The following TRDN variants were observed in gnomAD, a reference collection of about 807,000 sequenced individuals.
TRDN encodes triadin in skeletal muscle.
A neutral mutation model predicts 149.7 loss-of-function variants in TRDN; 161 were observed. The ratio of observed to expected loss-of-function variants is 1.08; its 90% CI spans 0.95 to 1.23. The LOEUF (loss-of-function observed/expected upper bound fraction) is 1.23. Among genes scored for constraint, TRDN ranks in the 50% most tolerant of loss-of-function variants. The pLI is 0.00. For missense variants in TRDN, 896 were observed against 823.5 expected, an observed-to-expected ratio of 1.09 and a Z score of -1.08; for synonymous variants, 294 against 250.5, an observed-to-expected ratio of 1.17 and a Z score of -1.64.
chr6:123,628,957 C>T (rs1785820517), intron 1 of TRDN, among the ~76,000 whole-genome samples: 1 of 152,076 alleles, frequency 6.6e-6, no homozygotes, highest in Admixed American at 6.6e-5. Flanking sequence ...TTTCTAAATG[C>T]AATGCCTAAT....
intron 2 of TRDN, among the ~76,000 whole-genome samples, chr6:123,551,733 G>C (rs1298250408): frequency 6.6e-6 from 1 of 151,692 alleles, no homozygotes; most frequent in Non-Finnish European, 1.5e-5. Context: ...ATTTAAATAA[G>C]ATGCCTCAGG....
chr6:123,625,351 AT>A lies in TRDN; in HGVS notation c.22+11402del, dbSNP rs993875186. Among the ~76,000 whole-genome samples the A allele has an allele frequency of 5.2e-3, 791 of 151,198 alleles. 13 individuals are homozygous for A. The highest frequency in any genetic ancestry group is 0.018 in the African/African-American group (741 of 41,282). ...ATAATTGCAAGAAAGCAAATCACAC[AT>A]TTTTTTTTCTGTATCCTAGTGTATA... On this transcript the variant is annotated intron_variant, in intron 1 of 40. Coordinates refer to ENST00000334268, the MANE Select transcript of TRDN (RefSeq NM_006073.4).
At chr6:123,590,830 C>T (rs1783742687) in intron 1 of TRDN, among the ~76,000 whole-genome samples, 1 of 152,112 alleles carries the variant, frequency 6.6e-6, no homozygotes, top group Non-Finnish European at 1.5e-5. Context: ...GTGCTTAACT[C>T]ATCCTGAAAC....
intron 12 of TRDN, among the ~76,000 whole-genome samples, chr6:123,395,743 G>A (rs1275496561): frequency 6.6e-6 from 1 of 152,082 alleles, no homozygotes; most frequent in African/African-American, 2.4e-5. Flanking sequence ...TTTCAATGGA[G>A]GAAAATCTCG....
chr6:123,335,429 A>G (rs1369861400), intron 22 of TRDN, among the ~76,000 whole-genome samples: 1 of 151,856 alleles, frequency 6.6e-6, no homozygotes, highest in Admixed American at 6.6e-5. Context: ...AACATTTTCA[A>G]TCACTGGAAA....
chr6:123,281,786 T>A (rs553321622), intron 24 of TRDN, among the ~76,000 whole-genome samples: 1 of 152,146 alleles, frequency 6.6e-6, no homozygotes, highest in East Asian at 1.9e-4. Flanking sequence ...AAAATTTGGT[T>A]TCCGAGTTAG....
intron 4 of TRDN, among the ~76,000 whole-genome samples, chr6:123,545,413 A>G (rs1781062576): frequency 6.6e-6 from 1 of 151,916 alleles, no homozygotes; most frequent in Non-Finnish European, 1.5e-5. Context: ...TTGCCTCTAT[A>G]CTTCCATGAA....
At chr6:123,235,854 T>C (rs1290885518) in intron 38 of TRDN, among the ~76,000 whole-genome samples, 1 of 152,188 alleles carries the variant, frequency 6.6e-6, no homozygotes, top group African/African-American at 2.4e-5. Context: ...TGAATTCATA[T>C]AACTGCTGCA....
At chr6:123,534,371 C>T (rs961921216) in intron 4 of TRDN, among the ~76,000 whole-genome samples, 1 of 152,130 alleles carries the variant, frequency 6.6e-6, no homozygotes, top group Non-Finnish European at 1.5e-5. Flanking sequence ...TGTTTTATTG[C>T]AACTTTGCGT....
Position 123,403,551 on chromosome 6 carries a change from A to G in TRDN, c.1052-9874T>C, listed in dbSNP as rs557452440. Among the ~76,000 whole-genome samples the G allele has an allele frequency of 4.6e-5, 7 of 152,322 alleles. No individual in the cohort carries two copies. In the South Asian group the frequency reaches 8.3e-4, roughly 18 times the overall value. On this transcript the variant is annotated intron_variant, in intron 12 of 40. Coordinates refer to ENST00000334268, the MANE Select transcript of TRDN (RefSeq NM_006073.4). ...TGGGAAATGGGAAGACAATTAGGGT[A>G]GCAAGATCCCAGAATGTGTGGGAAG... is the stretch of plus-strand genomic sequence containing the variant.
chr6:123,384,510 C>G (rs1455046073), intron 14 of TRDN, among the ~76,000 whole-genome samples: 14 of 152,018 alleles, frequency 9.2e-5, no homozygotes, highest in Admixed American at 9.2e-4. Context: ...CATATTAGAA[C>G]AAGATTATTT....
intron 14 of TRDN, among the ~76,000 whole-genome samples, chr6:123,384,548 C>A (rs1199490381): frequency 6.6e-6 from 1 of 152,058 alleles, no homozygotes; most frequent in Non-Finnish European, 1.5e-5. Context: ...TGACCAGATA[C>A]TGGAATGGAA....
chr6:123,577,471 C>T (rs1782914846), intron 1 of TRDN, among the ~76,000 whole-genome samples: 1 of 152,124 alleles, frequency 6.6e-6, no homozygotes, highest in Non-Finnish European at 1.5e-5. Context: ...CCACAAAAGA[C>T]ATGATCTTGT....
chr6:123,225,893 A>G (rs1444019731), intron 38 of TRDN, among the ~76,000 whole-genome samples: 1 of 151,760 alleles, frequency 6.6e-6, no homozygotes, highest in African/African-American at 2.4e-5. Context: ...TTAATTTTTA[A>G]CATTTGAAAT....
At chr6:123,236,859 A>G (rs1242737933) in intron 38 of TRDN, among the ~76,000 whole-genome samples, 4 of 150,210 alleles carry the variant, frequency 2.7e-5, no homozygotes, top group Non-Finnish European at 4.4e-5. Context: ...AACATTTAAA[A>G]TTAGGTAATA....
chr6:123,472,849 G>T (rs1392363420), intron 9 of TRDN, among the ~76,000 whole-genome samples: 1 of 152,134 alleles, frequency 6.6e-6, no homozygotes, highest in East Asian at 1.9e-4. Context: ...CACCTCACAC[G>T]GCAGGGTATT....
chr6:123,598,103 A>C (rs1258257309), intron 1 of TRDN, among the ~76,000 whole-genome samples: 1 of 152,092 alleles, frequency 6.6e-6, no homozygotes, highest in Non-Finnish European at 1.5e-5. Context: ...TGCTGGAAGA[A>C]GAGTTTGCTG....
intron 9 of TRDN, among the ~76,000 whole-genome samples, chr6:123,478,994 A>G (rs1255166682): frequency 6.6e-6 from 1 of 152,196 alleles, no homozygotes; most frequent in Non-Finnish European, 1.5e-5. Context: ...TATGGACCAT[A>G]TTAGGCAATA....
At chr6:123,331,430 A>G (rs545378761) in intron 23 of TRDN, among the ~76,000 whole-genome samples, 71 of 152,098 alleles carry the variant, frequency 4.7e-4, no homozygotes, top group Non-Finnish European at 6.6e-4. Context: ...AGAGGATTGG[A>G]CTACAGTTTC....
Sources: allele counts gnomAD v4.1 joint callset (sites outside exome capture counted in the v4.1 genomes callset), GRCh38; gene constraint gnomAD v4.1.1; transcripts MANE v1.5; gene names NCBI Gene and HGNC (gene_info 2026-07-23, HGNC 2026-07-21).